Variants in CDKAL1 observed in about 807,000 individuals in gnomAD.
The protein encoded by CDKAL1 is CDKAL1 threonylcarbamoyladenosine tRNA methylthiotransferase.
CDKAL1 carries 32 observed loss-of-function variants against 68.2 expected under a neutral mutation model. The observed-to-expected ratio is 0.47, with a 90% CI of 0.35 to 0.63. The LOEUF is 0.63. CDKAL1 is among the 30% of genes least tolerant of loss of function. The probability of loss-of-function intolerance (pLI) is 0.00; values close to 1 mark genes in which losing one functional copy is unlikely to be tolerated. For synonymous variants in CDKAL1, 234 were observed against 244.3 expected (o/e 0.96, Z 0.39); for missense variants, 606 against 696.7 (o/e 0.87, Z 1.47).
At chr6:20,705,392 G>T (rs1013619526) in intron 5 of CDKAL1, among the ~76,000 whole-genome samples, 2 of 152,120 alleles carry the variant, frequency 1.3e-5, no homozygotes, top group Admixed American at 6.5e-5. Context: ...GGCATAATAA[G>T]ATTATTACTT....
At chr6:20,718,803 A>C (rs1258397821) in intron 5 of CDKAL1, among the ~76,000 whole-genome samples, 2 of 152,146 alleles carry the variant, frequency 1.3e-5, no homozygotes, top group Non-Finnish European at 2.9e-5. Context: ...AGAGTGTTCA[A>C]AAATATTTTT....
At chr6:20,618,008 GGTTGAACTA>G (rs759955201) in intron 4 of CDKAL1, among the ~76,000 whole-genome samples, 32 of 152,214 alleles carry the variant, frequency 2.1e-4, no homozygotes, top group Non-Finnish European at 3.8e-4. Context: ...CTTCCACAAT[GGTTGAACTA>G]GTTTATACTC....
At chr6:20,594,351 G>A (rs4712513) in intron 4 of CDKAL1, among the ~76,000 whole-genome samples, 2 of 152,096 alleles carry the variant, frequency 1.3e-5, no homozygotes, top group Non-Finnish European at 2.9e-5. Flanking sequence ...TCTGTGAATC[G>A]GGGCGCTCCT....
chr6:20,849,658 A>G (rs1758903202), intron 9 of CDKAL1, among the ~76,000 whole-genome samples: 1 of 152,086 alleles, frequency 6.6e-6, no homozygotes, highest in South Asian at 2.1e-4. Flanking sequence ...AGAGAAGTCT[A>G]ATTTTGGGTA....
intron 10 of CDKAL1, among the ~76,000 whole-genome samples, chr6:20,982,743 T>A (rs1332797203): frequency 6.6e-6 from 1 of 152,146 alleles, no homozygotes; most frequent in Non-Finnish European, 1.5e-5. Context: ...ATTTTTTTTT[T>A]ATTTGTAGAG....
intron 9 of CDKAL1, among the ~76,000 whole-genome samples, chr6:20,947,273 T>A (rs1166585048): frequency 6.6e-6 from 1 of 152,106 alleles, no homozygotes; most frequent in African/African-American, 2.4e-5. Flanking sequence ...GTAAACCCAT[T>A]GTAAGTTGAA....
chr6:20,680,585 G>T (rs571155556), intron 5 of CDKAL1, among the ~76,000 whole-genome samples: 1 of 152,252 alleles, frequency 6.6e-6, no homozygotes, highest in African/African-American at 2.4e-5. Flanking sequence ...AAGGATGGTT[G>T]AAACTAGGAC....
chr6:21,226,284 GTTT>G (rs57712859), intron 15 of CDKAL1, among the ~76,000 whole-genome samples: 9,232 of 138,778 alleles, frequency 0.067, 351 homozygotes, highest in Non-Finnish European at 0.1. Context: ...GAACATGAAA[GTTT>G]TTTTTTTTTT....
chr6:20,935,545 C>T (rs1056801104), intron 9 of CDKAL1, among the ~76,000 whole-genome samples: 2 of 151,790 alleles, frequency 1.3e-5, no homozygotes, highest in African/African-American at 4.8e-5. Context: ...TCTTGCGCCT[C>T]AAGCCTCCTG....
intron 8 of CDKAL1, among the ~76,000 whole-genome samples, chr6:20,818,421 G>A (rs1380375527): frequency 2.0e-5 from 3 of 151,966 alleles, no homozygotes; most frequent in African/African-American, 7.2e-5. Flanking sequence ...TGAGTGTTTT[G>A]TCTTGAAGAA....
At chr6:20,806,885 G>A (rs988332311) in intron 8 of CDKAL1, among the ~76,000 whole-genome samples, 2 of 152,178 alleles carry the variant, frequency 1.3e-5, no homozygotes, top group African/African-American at 4.8e-5. Context: ...GCTAAGATGT[G>A]TTACAGCTGA....
intron 13 of CDKAL1, among the ~76,000 whole-genome samples, chr6:21,117,145 T>C (rs894884148): frequency 7.9e-5 from 12 of 152,158 alleles, no homozygotes; most frequent in African/African-American, 2.7e-4. Context: ...CCCACCAGTG[T>C]GTGCTTACCA....
intron 11 of CDKAL1, among the ~76,000 whole-genome samples, chr6:21,060,260 C>T (rs910045674): frequency 1.3e-5 from 2 of 152,032 alleles, no homozygotes; most frequent in African/African-American, 4.8e-5. Flanking sequence ...TTGGTTTCTT[C>T]TTGAGTCCAT....
At chr6:20,558,510 C>A (rs1764147729) in intron 4 of CDKAL1, 3 of 456,718 alleles carry the variant, frequency 6.6e-6, no homozygotes, top group Non-Finnish European at 1.3e-5. Context: ...ATGAACTAGA[C>A]AGACTCTTTT....
At chr6:21,117,288 GT>G (rs10554335) in intron 13 of CDKAL1, among the ~76,000 whole-genome samples, 3,453 of 143,164 alleles carry the variant, frequency 0.024, 133 homozygotes, top group African/African-American at 0.076. Context: ...CAGATAAATT[GT>G]TTTTTTTTTT....
intron 9 of CDKAL1, among the ~76,000 whole-genome samples, chr6:20,901,538 G>A (rs539845004): frequency 8.6e-4 from 130 of 151,276 alleles, no homozygotes; most frequent in African/African-American, 2.9e-3. Flanking sequence ...ATAATTAGCC[G>A]GGCATGGTGG....
chr6:21,148,073 C>G lies in CDKAL1; in HGVS notation c.1299+39610C>G, dbSNP rs144382487. On this transcript the variant is annotated intron_variant, in intron 13 of 15. Coordinates refer to ENST00000274695, the MANE Select transcript of CDKAL1 (RefSeq NM_017774.3). ...TCAGCCATATCTGAGATGAACTTGG[C>G]TTACCTAGCTCCTGAGTTTTTTAAT... 7.7e-4 allele frequency among the ~76,000 whole-genome samples: 118 copies of G among 152,326 alleles called. 1 individual carries two copies. Among genetic ancestry groups the G allele is most frequent in the African/African-American group, 2.7e-3 (111 of 41,568 alleles).
intron 9 of CDKAL1, among the ~76,000 whole-genome samples, chr6:20,900,233 A>G (rs1761896269): frequency 1.3e-5 from 2 of 152,214 alleles, no homozygotes. Context: ...CTCAATCCTT[A>G]TTAAAAAAAA....
At chr6:20,765,519 T>C (rs1164311578) in intron 7 of CDKAL1, among the ~76,000 whole-genome samples, 1 of 152,216 alleles carries the variant, frequency 6.6e-6, no homozygotes, top group African/African-American at 2.4e-5. Context: ...ATATCTCCTT[T>C]AGTTTCCCCA....
Sources: gnomAD v4.1 joint callset for allele counts (sites outside exome capture counted in the v4.1 genomes callset) on GRCh38, gnomAD v4.1.1 for gene constraint, MANE v1.5 for transcripts, NCBI Gene and HGNC (gene_info 2026-07-23, HGNC 2026-07-21) for gene names.